CELSR1: variants seen among roughly 807,000 people sequenced by gnomAD.
CELSR1 encodes adhesion G protein-coupled receptor C1.
Under a neutral mutation model 249.1 loss-of-function variants are expected in CELSR1, and 110 were observed. That is an observed-to-expected ratio of 0.44 (90% CI 0.38 to 0.52). The LOEUF is 0.52. Ranked by LOEUF, CELSR1 falls within the 20% of genes least tolerant of loss-of-function variation. The pLI is 0.00. For synonymous variants in CELSR1, 2,113 were observed against 1,900.0 expected (o/e 1.11, Z -2.92); for missense variants, 4,109 against 4,296.4 (o/e 0.96, Z 1.22).
In CELSR1 at chr22:46,430,857, G is replaced by A. The variant is rs921478718; in HGVS notation, c.4611+2536C>T. Among the ~76,000 whole-genome samples the A allele has an allele frequency of 1.6e-4, 24 of 152,152 alleles. No homozygotes were observed. The highest frequency in any genetic ancestry group is 5.8e-4 in the African/African-American group (24 of 41,420). On this transcript the variant is annotated intron_variant, in intron 5 of 34. Coordinates refer to ENST00000674500, the MANE Select transcript of CELSR1 (RefSeq NM_001378328.1). The surrounding 1 kb of genome is among the most constrained non-coding windows in gnomAD (Gnocchi z 4.6). ...GGGTTTGTCAGAGCTGCCACTCGGA[G>A]ACTAAGTCACGGAGCAGCAGTACTG... is the stretch of plus-strand genomic sequence containing the variant.
In CELSR1 at chr22:46,413,935, G is replaced by A. The variant is rs2079366932; in HGVS notation, c.4612-2176C>T. On this transcript the variant is annotated intron_variant, in intron 5 of 34. Coordinates refer to ENST00000674500, the MANE Select transcript of CELSR1 (RefSeq NM_001378328.1). This position sits in a 1 kb window ranked among gnomAD's most constrained non-coding sequence, Gnocchi z 4.7. ...CTGGGCGTGAGACTACTGGAGGAAG[G>A]GCGTAAGTAGCATTTACACTGGGAA... 1.3e-5 allele frequency among the ~76,000 whole-genome samples: 2 copies of A among 152,132 alleles called. No homozygotes were observed. The highest frequency in any genetic ancestry group is 4.1e-4 in the South Asian group (2 of 4,820).
chr22:46,508,408 G>T (rs981823323), intron 1 of CELSR1, among the ~76,000 whole-genome samples: 5 of 151,424 alleles, frequency 3.3e-5, no homozygotes, highest in African/African-American at 1.2e-4. Context: ...CGTCCCCTGC[G>T]TGGTGGTCAT....
chr22:46,448,473 G>A lies in CELSR1; in HGVS notation c.4184-9062C>T, dbSNP rs1324204455. The A allele has an allele frequency of 1.1e-5, 4 of 370,476 alleles. No homozygotes were observed. In the East Asian group the frequency reaches 2.5e-4, roughly 23 times the overall value. 22.9% of individuals were successfully genotyped at this position (370,476 alleles called of 1,614,324 possible). On this transcript the variant is annotated intron_variant, in intron 2 of 34. Coordinates refer to ENST00000674500, the MANE Select transcript of CELSR1 (RefSeq NM_001378328.1). The surrounding 1 kb of genome is among the most constrained non-coding windows in gnomAD (Gnocchi z 5.7). The stretch of plus-strand genomic sequence containing the variant: ...CCTGGGGGAGGGCTGGGAACGCGCT[G>A]GGAACGTGCCCCAGGAGGGGAAGGG...
At position 46,390,474 on chromosome 22, in the gene CELSR1, C is replaced by G. The variant is rs1302772854; in HGVS notation, c.6263G>C (p.Arg2088Pro). 6.2e-7 allele frequency: 1 copy of G among 1,613,558 alleles called. No homozygotes were observed. Among genetic ancestry groups the G allele is most frequent in the Non-Finnish European group, 8.5e-7 (1 of 1,179,838 alleles). ...CPKGSVGNAV[R>P]HCSGEKGWLP... ...CCAGCCCTTCTCCCCGCTGCAGTGT[C>G]GGACCGCATTTCCTGGGGAAGGAGA... The change falls in exon 17 of 35, where the codon CGA (arginine) becomes CCA (proline). Residue 2088 changes from arginine (R) to proline (P), a missense_variant. This residue lies in a region of CELSR1 where 1,805 missense variants were observed against 1,831.6 expected (regional missense o/e 0.99). Coordinates refer to ENST00000674500, the MANE Select transcript of CELSR1 (RefSeq NM_001378328.1). This position sits in a 1 kb window ranked among gnomAD's most constrained non-coding sequence, Gnocchi z 6.3.
intron 9 of CELSR1, among the ~76,000 whole-genome samples, chr22:46,404,722 C>T (rs984540917): frequency 1.3e-5 from 2 of 152,194 alleles, no homozygotes; most frequent in Admixed American, 1.3e-4. Flanking sequence ...CTCCTGACCT[C>T]AGGTGATCCA....
intron 2 of CELSR1, among the ~76,000 whole-genome samples, chr22:46,450,449 C>A (rs1308344410): frequency 6.6e-6 from 1 of 152,262 alleles, no homozygotes; most frequent in East Asian, 1.9e-4. Flanking sequence ...TTCACAGCAA[C>A]CTCCTCCAGA....
intron 1 of CELSR1, among the ~76,000 whole-genome samples, 191 bp downstream of exon 1, chr22:46,533,436 G>A (rs1569224093): frequency 6.6e-6 from 1 of 152,258 alleles, no homozygotes; most frequent in Non-Finnish European, 1.5e-5. Context: ...GCGGCGCGGT[G>A]CCTCTCCCCC....
rs763023144 is a variant in CELSR1 at position 46,490,114 on chromosome 22, A to G, written c.3545-25769T>C. On this transcript the variant is annotated intron_variant, in intron 1 of 34. Transcript: ENST00000674500. This position sits in a 1 kb window ranked among gnomAD's most constrained non-coding sequence, Gnocchi z 5.2. ...TCTGAGAACCAACGTTCCCAAGTGC[A>G]AAGTGTACACATGTCGACATGGCAC... Among the ~76,000 whole-genome samples the G allele has an allele frequency of 2.0e-5, 3 of 152,118 alleles. No homozygotes were observed. The highest frequency in any genetic ancestry group is 4.4e-5 in the Non-Finnish European group (3 of 68,022).
Position 46,365,588 on chromosome 22 carries a change from G to A in CELSR1, c.8402C>T (p.Pro2801Leu), listed in dbSNP as rs1453287466. 6.3e-7 allele frequency: 1 copy of A among 1,587,398 alleles called. No individual in the cohort carries two copies. Among genetic ancestry groups the A allele is most frequent in the Admixed American group, 1.8e-5 (1 of 56,240 alleles). Reference sequence around the variant, plus strand: ...CTCCCCCTCCAGGGAAGCCATACCAGGGGGATCCTTGCAGCTCCTGGGCAT... The same window carrying A: ...CTCCCCCTCCAGGGAAGCCATACCAAGGGGATCCTTGCAGCTCCTGGGCAT... ...SLMPRSCKDP[P>L]GHDSDSDSEL... The change falls in exon 31 of 35, where the codon CCT (proline) becomes CTT (leucine). Residue 2801 changes from proline to leucine, a missense_variant and splice_region_variant. Around this residue, in one of 7 missense-constraint regions of CELSR1, gnomAD observed 1,805 missense variants for 1,831.6 expected, o/e 0.99. Coordinates refer to ENST00000674500, the MANE Select transcript of CELSR1 (RefSeq NM_001378328.1).
At chr22:46,496,286 G>A (rs1451735826) in intron 1 of CELSR1, among the ~76,000 whole-genome samples, 1 of 151,724 alleles carries the variant, frequency 6.6e-6, no homozygotes, top group Non-Finnish European at 1.5e-5. Flanking sequence ...TATTTTCTTG[G>A]GCCAAGCACA....
At chr22:46,450,712 C>T (rs149848697) in intron 2 of CELSR1, among the ~76,000 whole-genome samples, 91 of 152,310 alleles carry the variant, frequency 6.0e-4, no homozygotes, top group African/African-American at 2.0e-3. Flanking sequence ...TAGGAGAGGC[C>T]GACCAGGAGG....
chr22:46,528,011 G>A (rs1251890616), intron 1 of CELSR1, among the ~76,000 whole-genome samples: 1 of 150,952 alleles, frequency 6.6e-6, no homozygotes, highest in East Asian at 2.0e-4. Flanking sequence ...AGCTGAGGCA[G>A]GAGAATCACT....
In CELSR1 at chr22:46,430,918, A is replaced by T. The variant is rs1028743849; in HGVS notation, c.4611+2475T>A. Reference sequence around the variant, plus strand: ...GGGCTGGTGCTCATAATCTCTGCTAACACATCCTAGTGTGTGGCCCCGTCA... The same window carrying T: ...GGGCTGGTGCTCATAATCTCTGCTATCACATCCTAGTGTGTGGCCCCGTCA... On this transcript the variant is annotated intron_variant, in intron 5 of 34. Transcript: ENST00000674500. The surrounding 1 kb of genome is among the most constrained non-coding windows in gnomAD (Gnocchi z 4.6). Among the ~76,000 whole-genome samples, 1 of 152,176 alleles carries T rather than the reference A, an allele frequency of 6.6e-6. No homozygotes were observed. The highest frequency in any genetic ancestry group is 2.4e-5 in the African/African-American group (1 of 41,442).
rs771765199 is a variant in CELSR1, at chr22:46,534,567, G to A, written c.2604C>T (p.Gly868=). Residue 868 remains glycine (G), a synonymous_variant, in exon 1 of 35, where the codon GGC becomes GGT. Coordinates refer to ENST00000674500, the MANE Select transcript of CELSR1 (RefSeq NM_001378328.1). This position sits in a 1 kb window ranked among gnomAD's most constrained non-coding sequence, Gnocchi z 9.7. ...YTLTIMAQDN[G]IPQKSDTTTL... ...TGGTGGTGTCTGATTTCTGCGGGAT[G>A]CCGTTGTCCTGGGCCATGATGGTCA... The A allele has an allele frequency of 2.5e-6, 4 of 1,613,784 alleles. No individual in the cohort carries two copies. In the South Asian group the frequency reaches 4.4e-5, roughly 18 times the overall value.
In CELSR1 at chr22:46,518,531, C is replaced by T. The variant is rs367936643; in HGVS notation, c.3544+15096G>A. On this transcript the variant is annotated intron_variant, in intron 1 of 34. Transcript: ENST00000674500. This position sits in a 1 kb window ranked among gnomAD's most constrained non-coding sequence, Gnocchi z 5.2. ...TCACACACACAAACATGAAGGCAGG[C>T]GTGGCAGTGGGTTCACTACCCTGCC... Among the ~76,000 whole-genome samples, 3 of 152,202 alleles carry T rather than the reference C, an allele frequency of 2.0e-5. No individual in the cohort carries two copies. Among genetic ancestry groups the T allele is most frequent in the Non-Finnish European group, 2.9e-5 (2 of 68,052 alleles).
At chr22:46,459,899 G>A (rs770218113) in intron 2 of CELSR1, among the ~76,000 whole-genome samples, 71 of 152,060 alleles carry the variant, frequency 4.7e-4, no homozygotes, top group Admixed American at 1.2e-3. Flanking sequence ...GCAGAGCAGA[G>A]CACCACTAAA....
At position 46,366,994 on chromosome 22, in the gene CELSR1, G is replaced by A. The variant is rs143276225; in HGVS notation, c.8204C>T (p.Thr2735Met). The A allele has an allele frequency of 1.1e-4, 175 of 1,606,994 alleles. No individual in the cohort carries two copies. The highest frequency in any genetic ancestry group is 7.8e-4 in the African/African-American group (58 of 74,834). ...DSATTRATLL[T>M]RSLNCNTTFG... The stretch of plus-strand genomic sequence containing the variant: ...CGCGGTGTCCCCGGCGCCTCCTACC[G>A]TCAGCAGGGTGGCCCTGGTGGTGGC... Residue 2735 changes from threonine (T) to methionine (M), a missense_variant and splice_region_variant, in exon 29 of 35, where the codon ACG becomes ATG. Physicochemically the swap from Thr to Met is moderately conservative, Grantham distance 81. Coordinates refer to ENST00000674500, the MANE Select transcript of CELSR1 (RefSeq NM_001378328.1).
chr22:46,365,476 C>T (rs904124597), intron 31 of CELSR1, 96 bp from the exon 32 acceptor site: 46 of 1,559,036 alleles, frequency 3.0e-5, no homozygotes, highest in African/African-American at 1.4e-4. Flanking sequence ...GGCATGCTGA[C>T]GCTGAGCATG....
intron 1 of CELSR1, among the ~76,000 whole-genome samples, chr22:46,530,873 C>T (rs957065002): frequency 6.6e-6 from 1 of 151,858 alleles, no homozygotes; most frequent in African/African-American, 2.4e-5. Context: ...TCCCACTAAA[C>T]GTAGTCGATG....
Sources: allele counts gnomAD v4.1 joint callset (sites outside exome capture counted in the v4.1 genomes callset), GRCh38; gene constraint gnomAD v4.1.1; regional missense constraint gnomAD v4.1.1; non-coding constraint Gnocchi (gnomAD v3.1); transcripts MANE v1.5; gene names NCBI Gene and HGNC (gene_info 2026-07-23, HGNC 2026-07-21).